ATAD1: variants seen among roughly 807,000 people sequenced by gnomAD.
ATAD1 encodes outer mitochondrial transmembrane helix translocase.
In ATAD1, 18 loss-of-function variants were observed where a neutral mutation model predicts 42.7. The ratio of observed to expected loss-of-function variants is 0.42; its 90% CI spans 0.29 to 0.63. The LOEUF (loss-of-function observed/expected upper bound fraction) is 0.63. Among genes scored for constraint, ATAD1 ranks in the 20% least tolerant of loss-of-function variants. ATAD1 has a pLI of 0.19. For missense variants in ATAD1, 294 were observed against 440.4 expected (o/e 0.67, Z 2.98); for synonymous variants, 132 against 143.1 (o/e 0.92, Z 0.55).
chr10:87,771,917 A>G (rs982441297), intron 6 of ATAD1, among the ~76,000 whole-genome samples: 2 of 152,274 alleles, frequency 1.3e-5, no homozygotes, highest in Admixed American at 1.3e-4. Flanking sequence ...TTGGTATTCC[A>G]TGGAAACACA....
At chr10:87,763,087 A>AAAG (rs1854572121) in intron 8 of ATAD1, among the ~76,000 whole-genome samples, 1 of 147,094 alleles carries the variant, frequency 6.8e-6, no homozygotes, top group African/African-American at 2.5e-5. Context: ...TCACAAAAAA[A>AAAG]AAAAAAAAAA....
At position 87,809,288 on chromosome 10, in the gene ATAD1, T is replaced by C. The variant is rs139650246; in HGVS notation, c.162+5150A>G. On this transcript the variant is annotated intron_variant, in intron 2 of 9. Coordinates refer to ENST00000680024, the MANE Select transcript of ATAD1 (RefSeq NM_001321967.2). The stretch of plus-strand genomic sequence containing the variant: ...TACTAAAATAGCCTACTGTTGACCT[T>C]ATCACTAACAGAAACAGTTAATAAC... Among the ~76,000 whole-genome samples the C allele has an allele frequency of 1.4e-3, 214 of 152,316 alleles. 2 individuals are homozygous for C. Among genetic ancestry groups the C allele is most frequent in the African/African-American group, 4.9e-3 (204 of 41,572 alleles).
chr10:87,830,010 G>A (rs1857799876), intron 1 of ATAD1, among the ~76,000 whole-genome samples: 1 of 152,318 alleles, frequency 6.6e-6, no homozygotes, highest in African/African-American at 2.4e-5. Flanking sequence ...TTTTATGAAA[G>A]GAAGGGTCAA....
chr10:87,833,886 G>T (rs145299065), intron 1 of ATAD1, among the ~76,000 whole-genome samples: 4 of 151,764 alleles, frequency 2.6e-5, no homozygotes. Context: ...CACCACACCC[G>T]GCTAATTTTT....
intron 5 of ATAD1, among the ~76,000 whole-genome samples, chr10:87,781,068 C>A (rs1387025275): frequency 5.3e-5 from 8 of 152,044 alleles, no homozygotes; most frequent in Non-Finnish European, 1.2e-4. Context: ...CCCTGAAGTT[C>A]TAAGCTGAGG....
intron 2 of ATAD1, among the ~76,000 whole-genome samples, chr10:87,807,166 G>A (rs1050039496): frequency 8.6e-5 from 13 of 151,956 alleles, no homozygotes; most frequent in South Asian, 2.1e-4. Flanking sequence ...AATTCAGAAC[G>A]GTAGAAGGAA....
At chr10:87,818,378 T>G, upstream of ATAD1, 1 of 458,906 alleles carries the variant, frequency 2.2e-6, no homozygotes, top group Non-Finnish European at 2.9e-6. Flanking sequence ...CTGCTTAAGC[T>G]ACCTGCTAGA....
intron 2 of ATAD1, among the ~76,000 whole-genome samples, chr10:87,800,943 T>C (rs938915799): frequency 3.9e-5 from 6 of 152,198 alleles, no homozygotes; most frequent in Admixed American, 3.9e-4. Flanking sequence ...TATAAATTAA[T>C]CATTCATATC....
At position 87,815,557 on chromosome 10, in the gene ATAD1, A is replaced by C. The variant is rs187109591; in HGVS notation, c.-13-945T>G. On this transcript the variant is annotated intron_variant, in intron 1 of 9. Coordinates refer to ENST00000680024, the MANE Select transcript of ATAD1 (RefSeq NM_001321967.2). ...TGTACTTACATAAACATGAAAAAAAACAGAATTTGTATGGCTCAGCAGATA... is the reference window on the plus strand; with the variant it reads ...TGTACTTACATAAACATGAAAAAAACCAGAATTTGTATGGCTCAGCAGATA... Among the ~76,000 whole-genome samples, 6 of 152,216 alleles carry C rather than the reference A, an allele frequency of 3.9e-5. No individual in the cohort carries two copies. The East Asian group carries it at 7.7e-4, about 20-fold the overall frequency.
intron 1 of ATAD1, among the ~76,000 whole-genome samples, chr10:87,835,971 T>C (rs1273286623): frequency 6.6e-6 from 1 of 152,230 alleles, no homozygotes; most frequent in South Asian, 2.1e-4. Context: ...AGTTGTCTTA[T>C]GTATTGCATT....
intron 4 of ATAD1, among the ~76,000 whole-genome samples, chr10:87,786,694 C>T (rs1855850003): frequency 6.6e-6 from 1 of 152,294 alleles, no homozygotes; most frequent in Middle Eastern, 3.4e-3. Flanking sequence ...CTGTGGCTCA[C>T]GCCTGTAATC....
At chr10:87,811,192 G>C (rs7920910) in intron 2 of ATAD1, among the ~76,000 whole-genome samples, 1 of 151,838 alleles carries the variant, frequency 6.6e-6, no homozygotes, top group Non-Finnish European at 1.5e-5. Context: ...AATTAGCCAC[G>C]TGTGGTTGCA....
intron 1 of ATAD1, chr10:87,841,095 C>T (rs1047132986): frequency 1.3e-5 from 2 of 151,948 alleles, no homozygotes; most frequent in East Asian, 1.9e-4. Flanking sequence ...AGCAGGACTG[C>T]TTCCACTGTA....
intron 1 of ATAD1, among the ~76,000 whole-genome samples, chr10:87,831,516 A>G (rs1338940959): frequency 1.3e-5 from 2 of 152,224 alleles, no homozygotes; most frequent in East Asian, 1.9e-4. Flanking sequence ...GGATCAAACT[A>G]TCTTCCTTTT....
upstream of ATAD1, among the ~76,000 whole-genome samples, chr10:87,820,322 T>C (rs138588160): frequency 6.6e-6 from 1 of 152,210 alleles, no homozygotes; most frequent in Non-Finnish European, 1.5e-5. Flanking sequence ...AGCTGAGAAA[T>C]TCAAGATAGT....
chr10:87,771,066 G>T (rs371502486), intron 6 of ATAD1, 25 bp from the exon 7 acceptor site: 2 of 1,566,808 alleles, frequency 1.3e-6, no homozygotes, highest in Non-Finnish European at 1.8e-6. Flanking sequence ...AAGACAGAAG[G>T]TATTAAATCT....
chr10:87,822,131 A>T (rs1857642969), upstream of ATAD1, among the ~76,000 whole-genome samples: 2 of 152,254 alleles, frequency 1.3e-5, no homozygotes, highest in Admixed American at 1.3e-4. Context: ...GCTCATTAGA[A>T]GTAATTCACT....
chr10:87,775,980 T>C (rs1297573790), intron 6 of ATAD1, among the ~76,000 whole-genome samples: 1 of 152,134 alleles, frequency 6.6e-6, no homozygotes, highest in Non-Finnish European at 1.5e-5. Flanking sequence ...AAAGAACAGT[T>C]TTTTAAAAAA....
rs1854134266 is a variant in ATAD1, at chr10:87,754,523, C to T, written c.*164G>A. 1 of 773,188 alleles carries T rather than the reference C, an allele frequency of 1.3e-6. No individual in the cohort carries two copies. Among genetic ancestry groups the T allele is most frequent in the Non-Finnish European group, 1.8e-6 (1 of 540,736 alleles). 47.9% of individuals were successfully genotyped at this position (773,188 alleles called of 1,614,324 possible). A position where few individuals can be genotyped will look rare whatever the true frequency, so the allele number is the denominator to read the frequency against. On this transcript the variant is annotated 3_prime_UTR_variant, in exon 10 of 10. Transcript: ENST00000680024. ...CATGATTTTTGACCAACAGTAATAC[C>T]ACCTATGTAACAACTATATCTCAAT...
Sources: allele counts gnomAD v4.1 joint callset (sites outside exome capture counted in the v4.1 genomes callset), GRCh38; gene constraint gnomAD v4.1.1; transcripts MANE v1.5; gene names NCBI Gene and HGNC (gene_info 2026-07-23, HGNC 2026-07-21).